The following RBFOX1 variants were observed in gnomAD, a reference collection of about 807,000 sequenced individuals.
The protein encoded by RBFOX1 is RNA binding protein fox-1 homolog 1.
Under a neutral mutation model 57.7 loss-of-function variants are expected in RBFOX1, and 8 were observed. The observed-to-expected ratio is 0.14, with a 90% CI of 0.08 to 0.25. The LOEUF (loss-of-function observed/expected upper bound fraction) is 0.25, where lower values mean the gene tolerates loss of function less well. Among genes scored for constraint, RBFOX1 ranks in the 10% least tolerant of loss-of-function variants. The pLI, the probability that RBFOX1 is intolerant of heterozygous loss-of-function variation, is 1.00. For synonymous variants in RBFOX1, 326 were observed against 222.4 expected (o/e 1.47, Z -4.15); for missense variants, 611 against 548.5 (o/e 1.11, Z -1.14).
chr16:6,538,346 G>C (rs996882771), intron 2 of RBFOX1, among the ~76,000 whole-genome samples: 3 of 152,104 alleles, frequency 2.0e-5, no homozygotes, highest in African/African-American at 7.2e-5. Context: ...AAATAAATTA[G>C]CTGAGTGTGG....
chr16:6,218,298 T>C lies in RBFOX1; in HGVS notation c.-126-98697T>C, dbSNP rs561245318. 2.2e-4 allele frequency among the ~76,000 whole-genome samples: 33 copies of C among 150,988 alleles called. No homozygotes were observed. The East Asian group carries it at 3.9e-3, about 18-fold the overall frequency. On this transcript the variant is annotated intron_variant, in intron 1 of 15. Transcript: ENST00000550418. The stretch of plus-strand genomic sequence containing the variant: ...GTCTTTTTATTTATTTATTTATTTA[T>C]TTATTTACTTATTTATTTATTGTTT...
intron 4 of RBFOX1, among the ~76,000 whole-genome samples, chr16:7,218,936 A>T (rs144873815): frequency 1.3e-5 from 2 of 152,134 alleles, no homozygotes; most frequent in African/African-American, 4.8e-5. Context: ...TTGGGCAGGC[A>T]TATGGTCTGT....
chr16:5,858,365 G>C (rs1352530260), intron 3 of RBFOX1, among the ~76,000 whole-genome samples: 1 of 152,146 alleles, frequency 6.6e-6, no homozygotes, highest in Non-Finnish European at 1.5e-5. Context: ...GGTGACTGAT[G>C]GGCTTGTCAC....
At chr16:5,671,925 C>G (rs1222191749) in intron 3 of RBFOX1, among the ~76,000 whole-genome samples, 1 of 152,106 alleles carries the variant, frequency 6.6e-6, no homozygotes, top group East Asian at 1.9e-4. Context: ...ATAGCTTTTT[C>G]CAGGTAGAGT....
intron 3 of RBFOX1, among the ~76,000 whole-genome samples, chr16:7,045,308 G>C (rs916713753): frequency 1.3e-5 from 2 of 152,154 alleles, no homozygotes; most frequent in African/African-American, 2.4e-5. Flanking sequence ...ATTGTCACTA[G>C]AATATAAGCA....
At chr16:6,674,984 C>T (rs1251516261) in intron 3 of RBFOX1, among the ~76,000 whole-genome samples, 2 of 152,108 alleles carry the variant, frequency 1.3e-5, no homozygotes, top group African/African-American at 2.4e-5. Flanking sequence ...TGGCTCACTG[C>T]AACCTCTGCC....
chr16:5,332,443 TG>T (rs1322819994), intron 1 of RBFOX1, among the ~76,000 whole-genome samples: 1 of 151,960 alleles, frequency 6.6e-6, no homozygotes, highest in East Asian at 1.9e-4. Flanking sequence ...TTTGTATTTT[TG>T]GTAGAGATGG....
chr16:5,696,744 A>G (rs1416511144), intron 3 of RBFOX1, among the ~76,000 whole-genome samples: 2 of 152,192 alleles, frequency 1.3e-5, no homozygotes, highest in Non-Finnish European at 2.9e-5. Flanking sequence ...CTTCCCATCT[A>G]TGAATACAGT....
At chr16:5,674,726 A>G (rs986509184) in intron 3 of RBFOX1, among the ~76,000 whole-genome samples, 2 of 152,180 alleles carry the variant, frequency 1.3e-5, no homozygotes, top group African/African-American at 4.8e-5. Context: ...TTCAAGTTCT[A>G]TTTGGTGATT....
chr16:6,969,570 AC>A (rs1421878827), intron 3 of RBFOX1, among the ~76,000 whole-genome samples: 5 of 151,444 alleles, frequency 3.3e-5, no homozygotes, highest in African/African-American at 1.2e-4. Flanking sequence ...CCTCGTCTCT[AC>A]AAAAAATAAA....
At chr16:7,074,805 A>G (rs967570119) in intron 4 of RBFOX1, among the ~76,000 whole-genome samples, 1 of 152,220 alleles carries the variant, frequency 6.6e-6, no homozygotes, top group South Asian at 2.1e-4. Flanking sequence ...AAAGATAAAC[A>G]GATGCATTTT....
intron 4 of RBFOX1, among the ~76,000 whole-genome samples, chr16:5,969,527 T>C (rs183993953): frequency 5.5e-4 from 83 of 150,020 alleles, no homozygotes; most frequent in African/African-American, 1.8e-3. Flanking sequence ...TTTCACTGTG[T>C]TGGCCAGGCT....
chr16:7,207,531 T>C (rs576374418), intron 4 of RBFOX1, among the ~76,000 whole-genome samples: 9 of 152,224 alleles, frequency 5.9e-5, no homozygotes, highest in African/African-American at 1.4e-4. Flanking sequence ...CCAGTGAATA[T>C]TGACAGAATG....
In RBFOX1 at chr16:7,197,595, AAAC is replaced by A. The variant is rs1200689702; in HGVS notation, c.27+145500_27+145502del. On this transcript the variant is annotated intron_variant, in intron 4 of 15. Transcript: ENST00000550418. The stretch of plus-strand genomic sequence containing the variant: ...GGAAGTTTATTTGCAGTAACATTGA[AAAC>A]AAGTACTCAAACAAAAATGTGTACA... Among the ~76,000 whole-genome samples, 3 of 152,342 alleles carry A rather than the reference AAAC, an allele frequency of 2.0e-5. No individual in the cohort carries two copies. The East Asian group carries it at 5.8e-4, about 29-fold the overall frequency.
downstream of RBFOX1, among the ~76,000 whole-genome samples, chr16:5,604,247 A>G (rs530570844): frequency 6.6e-6 from 1 of 152,226 alleles, no homozygotes; most frequent in South Asian, 2.1e-4. Context: ...TTCAAACAAC[A>G]CCTGTCTACC....
intron 2 of RBFOX1, among the ~76,000 whole-genome samples, chr16:6,485,712 T>G (rs1021401375): frequency 6.6e-6 from 1 of 152,224 alleles, no homozygotes; most frequent in Non-Finnish European, 1.5e-5. Flanking sequence ...AAGAGCAGAA[T>G]CTTTTCTGTT....
At chr16:5,604,903 C>G (rs548632849), downstream of RBFOX1, among the ~76,000 whole-genome samples, 1 of 152,322 alleles carries the variant, frequency 6.6e-6, no homozygotes, top group African/African-American at 2.4e-5. Context: ...ACGTCCCCTG[C>G]TGCAGTCTCA....
chr16:6,810,926 C>G (rs1214992421), intron 3 of RBFOX1, among the ~76,000 whole-genome samples: 1 of 152,158 alleles, frequency 6.6e-6, no homozygotes, highest in Non-Finnish European at 1.5e-5. Flanking sequence ...CAAATCATAT[C>G]AAGGTTCGGT....
rs529656648 is a variant in RBFOX1, at chr16:6,686,386, G to C, written c.-16+31736G>C. On this transcript the variant is annotated intron_variant, in intron 3 of 15. Transcript: ENST00000550418. ...CTTCAGGAAGCCTGTGGGCCATTCA[G>C]TTTCATGTCGATGACAGTACACCTA... 3.9e-5 allele frequency among the ~76,000 whole-genome samples: 6 copies of C among 152,296 alleles called. No individual in the cohort carries two copies. In the South Asian group the frequency reaches 8.3e-4, roughly 21 times the overall value.
Sources: gnomAD v4.1 joint callset for allele counts (sites outside exome capture counted in the v4.1 genomes callset) on GRCh38, gnomAD v4.1.1 for gene constraint, MANE v1.5 for transcripts, NCBI Gene and HGNC (gene_info 2026-07-23, HGNC 2026-07-21) for gene names.